PIK3R6: variants seen among roughly 807,000 people sequenced by gnomAD.
The protein encoded by PIK3R6 is phosphoinositide 3-kinase regulatory subunit 6.
PIK3R6 carries 91 observed loss-of-function variants against 84.9 expected under a neutral mutation model. That is an observed-to-expected ratio of 1.07 (90% CI 0.90 to 1.28). PIK3R6 has a LOEUF of 1.28. Ranked by LOEUF, PIK3R6 falls within the 50% of genes most tolerant of loss-of-function variation. The probability of loss-of-function intolerance (pLI) is 0.00; values close to 1 mark genes in which losing one functional copy is unlikely to be tolerated. For missense variants in PIK3R6, 996 were observed against 985.1 expected, an observed-to-expected ratio of 1.01 and a Z score of -0.15; for synonymous variants, 416 against 411.4, an observed-to-expected ratio of 1.01 and a Z score of -0.13.
At chr17:8,859,213 A>G (rs928568972) in intron 1 of PIK3R6, among the ~76,000 whole-genome samples, 4 of 152,226 alleles carry the variant, frequency 2.6e-5, no homozygotes, top group African/African-American at 9.6e-5. Flanking sequence ...GAGTAAATCA[A>G]AGAGCCTCTT....
At position 8,803,388 on chromosome 17, in the gene PIK3R6, T is replaced by C. The variant is rs778588803; in HGVS notation, c.2150A>G (p.Gln717Arg). The change falls in exon 20 of 20, where the codon CAG (glutamine) becomes CGG (arginine). Residue 717 changes from glutamine to arginine, a missense_variant. By Grantham distance (43) the Gln-to-Arg change is conservative. Transcript: ENST00000619866. This position sits in a 1 kb window ranked among gnomAD's most constrained non-coding sequence, Gnocchi z 5.0. ...ATTGAGCCACGGTGCCTTGGACTTC[T>C]GGGCCCCAGAACATGGTTCTGGGCA... ...APCPEPCSGA[Q>R]KSKAPWLNLH... is the part of the protein sequence containing the mutation. 1.9e-6 allele frequency: 3 copies of C among 1,613,366 alleles called. No individual in the cohort carries two copies. Among genetic ancestry groups the C allele is most frequent in the Non-Finnish European group, 1.7e-6 (2 of 1,179,546 alleles).
chr17:8,820,017 G>A (rs917113521), intron 17 of PIK3R6, among the ~76,000 whole-genome samples: 3 of 148,660 alleles, frequency 2.0e-5, no homozygotes, highest in East Asian at 1.9e-4. Context: ...GCATGATCTC[G>A]GTCACTGCAA....
intron 9 of PIK3R6, among the ~76,000 whole-genome samples, chr17:8,832,375 C>CTTTTTTTTTTTT (rs759188865): frequency 2.6e-5 from 2 of 77,796 alleles, no homozygotes; most frequent in African/African-American, 5.4e-5. Flanking sequence ...TACCCACCTT[C>CTTTTTTTTTTTT]TTTTTTTTTT....
At chr17:8,831,609 G>C (rs1190670958) in intron 9 of PIK3R6, among the ~76,000 whole-genome samples, 1 of 152,130 alleles carries the variant, frequency 6.6e-6, no homozygotes, top group African/African-American at 2.4e-5. Context: ...TTTAGGCAGG[G>C]ACTATCCTGC....
Position 8,827,163 on chromosome 17 carries a change from C to G in PIK3R6, c.1515+9G>C. On this transcript the variant is annotated intron_variant, in intron 13 of 19. Transcript: ENST00000619866. The stretch of plus-strand genomic sequence containing the variant: ...TCTCTCCCTCCCTGGTACCCTCACC[C>G]TCCCCTACCATCTCAGCCAGCTTGT... 1 of 1,612,362 alleles carries G rather than the reference C, an allele frequency of 6.2e-7. No individual in the cohort carries two copies. The highest frequency in any genetic ancestry group is 8.5e-7 in the Non-Finnish European group (1 of 1,179,150).
chr17:8,808,072 T>C (rs2087254466), intron 18 of PIK3R6, among the ~76,000 whole-genome samples: 2 of 151,968 alleles, frequency 1.3e-5, no homozygotes, highest in Admixed American at 1.3e-4. Flanking sequence ...AAGTGTTCCA[T>C]CGGGACAAAG....
intron 13 of PIK3R6, among the ~76,000 whole-genome samples, chr17:8,826,102 T>C (rs1200153345): frequency 6.6e-6 from 1 of 152,182 alleles, no homozygotes; most frequent in East Asian, 1.9e-4. Context: ...TCAGGCAAGA[T>C]ACTTAATCTC....
At position 8,829,104 on chromosome 17, in the gene PIK3R6, TAA is replaced by T; in HGVS notation, c.890-116_890-115del. 8.8e-6 allele frequency: 9 copies of T among 1,018,182 alleles called. No homozygotes were observed. The South Asian group carries it at 1.8e-4, about 20-fold the overall frequency. 63.1% of individuals were successfully genotyped at this position (1,018,182 alleles called of 1,614,324 possible). Reference sequence around the variant, plus strand: ...ACACACAGAAACACAGACAGACACATAAAGACACACATATGAACATGCACAGA... The same window carrying T: ...ACACACAGAAACACAGACAGACACATAGACACACATATGAACATGCACAGA... On this transcript the variant is annotated intron_variant, in intron 10 of 19. Transcript: ENST00000619866.
intron 12 of PIK3R6, 104 bp downstream of exon 12, chr17:8,828,008 T>A (rs770553686): frequency 4.4e-5 from 53 of 1,216,424 alleles, no homozygotes; most frequent in Non-Finnish European, 5.7e-5. Flanking sequence ...GGATGCTTAC[T>A]CTAGTCCCTG....
chr17:8,811,603 C>A lies in PIK3R6; in HGVS notation c.1996-7450G>T, dbSNP rs994970146. On this transcript the variant is annotated intron_variant, in intron 18 of 19. Transcript: ENST00000619866. The stretch of plus-strand genomic sequence containing the variant: ...ATTGCTGCTTAGAAGTTTCTTCTGC[C>A]AGATACCCTAAATCATATCTCTCAA... Among the ~76,000 whole-genome samples, 3 of 148,118 alleles carry A rather than the reference C, an allele frequency of 2.0e-5. No individual in the cohort carries two copies. In the South Asian group the frequency reaches 7.0e-4, roughly 34 times the overall value.
chr17:8,840,483 T>C (rs1049835965), intron 2 of PIK3R6, among the ~76,000 whole-genome samples: 1 of 147,254 alleles, frequency 6.8e-6, no homozygotes, highest in Non-Finnish European at 1.5e-5. Context: ...CCTCCAAATA[T>C]ATATATGAAA....
rs1261610472 is a variant in PIK3R6 at position 8,814,282 on chromosome 17, T to G, written c.1995+4801A>C. On this transcript the variant is annotated intron_variant, in intron 18 of 19. Transcript: ENST00000619866. ...TTGCCCAGGCTGGTGTGCAATGGCG[T>G]GATCTCGGCTCACTGCAACCTCCGC... Among the ~76,000 whole-genome samples the G allele has an allele frequency of 2.9e-5, 4 of 139,966 alleles. No homozygotes were observed. The South Asian group carries it at 7.2e-4, about 25-fold the overall frequency. 91.8% of individuals were successfully genotyped at this position (139,966 alleles called of 152,430 possible).
chr17:8,841,840 A>C lies in PIK3R6; in HGVS notation c.14-2143T>G, dbSNP rs572120420. On this transcript the variant is annotated intron_variant, in intron 2 of 19. Coordinates refer to ENST00000619866, the MANE Select transcript of PIK3R6 (RefSeq NM_001010855.4). ...AGGTCCCCAGTTGCTGTGCTGTTGCAGTGGTTTGGATATTTGACCCTCCAA... is the reference window on the plus strand; with the variant it reads ...AGGTCCCCAGTTGCTGTGCTGTTGCCGTGGTTTGGATATTTGACCCTCCAA... Among the ~76,000 whole-genome samples, 3 of 152,184 alleles carry C rather than the reference A, an allele frequency of 2.0e-5. No individual in the cohort carries two copies. The South Asian group carries it at 6.2e-4, about 32-fold the overall frequency.
chr17:8,817,973 C>T (rs569960942), intron 18 of PIK3R6, among the ~76,000 whole-genome samples: 24 of 144,996 alleles, frequency 1.7e-4, no homozygotes, highest in Admixed American at 1.4e-3. Flanking sequence ...GTAGGCTAAG[C>T]GGAAGGAGCA....
In PIK3R6 at chr17:8,828,628, C is replaced by T; in HGVS notation, c.1252G>A (p.Val418Ile). Residue 418 changes from valine to isoleucine, a missense_variant, in exon 11 of 20, where the codon GTA becomes ATA. Val to Ile is a conservative substitution (Grantham distance 29, BLOSUM62 3). Transcript: ENST00000619866. ...PGVSRLHTARVLVLGDDRMLG... is the reference protein window; with the variant it reads ...PGVSRLHTARILVLGDDRMLG... ...ATCCTGTCATCTCCGAGCACAAGTA[C>T]CCGGGCTGTGTGCAGCCGGGACACG... is the stretch of plus-strand genomic sequence containing the variant. 1 of 1,613,492 alleles carries T rather than the reference C, an allele frequency of 6.2e-7. No individual in the cohort carries two copies. Among genetic ancestry groups the T allele is most frequent in the Non-Finnish European group, 8.5e-7 (1 of 1,179,722 alleles).
At chr17:8,837,747 C>G in intron 5 of PIK3R6, 56 bp downstream of exon 5, 1 of 1,472,676 alleles carries the variant, frequency 6.8e-7, no homozygotes, top group Non-Finnish European at 9.5e-7. Context: ...GGGAGAGTGT[C>G]CAGCCCAGCC....
In PIK3R6 at chr17:8,803,941, G is replaced by T; in HGVS notation, c.2108+100C>A. On this transcript the variant is annotated intron_variant, in intron 19 of 19. Transcript: ENST00000619866. This position sits in a 1 kb window ranked among gnomAD's most constrained non-coding sequence, Gnocchi z 5.0. ...CCTGGCCACAGGATCTACCTCCGATGAGGTGCCTTGAGCTAGAGGCAGGAG... is the reference window on the plus strand; with the variant it reads ...CCTGGCCACAGGATCTACCTCCGATTAGGTGCCTTGAGCTAGAGGCAGGAG... 2 of 1,022,010 alleles carry T rather than the reference G, an allele frequency of 2.0e-6. No individual in the cohort carries two copies. The highest frequency in any genetic ancestry group is 3.0e-6 in the Non-Finnish European group (2 of 667,802). The allele number at this position is 1,022,010 out of a possible 1,614,324, so 63.3% of individuals were successfully genotyped here.
At chr17:8,853,148 G>A (rs550100799) in intron 1 of PIK3R6, among the ~76,000 whole-genome samples, 4 of 151,886 alleles carry the variant, frequency 2.6e-5, no homozygotes, top group South Asian at 2.1e-4. Context: ...GGCTGAATTC[G>A]GAAGATACAA....
chr17:8,864,195 G>T (rs370844436), intron 1 of PIK3R6, among the ~76,000 whole-genome samples: 2 of 152,132 alleles, frequency 1.3e-5, no homozygotes, highest in East Asian at 3.8e-4. Context: ...TAGAGATAAT[G>T]TCTCCTTTCA....
Sources: allele counts gnomAD v4.1 joint callset (sites outside exome capture counted in the v4.1 genomes callset), GRCh38; gene constraint gnomAD v4.1.1; non-coding constraint Gnocchi (gnomAD v3.1); transcripts MANE v1.5; gene names NCBI Gene and HGNC (gene_info 2026-07-23, HGNC 2026-07-21).